MRC1: variants seen among roughly 807,000 people sequenced by gnomAD.
MRC1 encodes macrophage mannose receptor 1.
In MRC1, 62 loss-of-function variants were observed where a neutral mutation model predicts 102.9. The observed-to-expected ratio is 0.60, with a 90% CI of 0.49 to 0.74. The LOEUF (loss-of-function observed/expected upper bound fraction) is 0.74. Among genes scored for constraint, MRC1 ranks in the 30% least tolerant of loss-of-function variants. The pLI is 0.00. For missense variants in MRC1, 1,237 were observed against 862.8 expected, an observed-to-expected ratio of 1.43 and a Z score of -5.43; for synonymous variants, 457 against 298.4, an observed-to-expected ratio of 1.53 and a Z score of -5.48.
chr10:17,889,693 C>T (rs1034113040), intron 22 of MRC1, among the ~76,000 whole-genome samples: 4 of 152,180 alleles, frequency 2.6e-5, no homozygotes, highest in South Asian at 2.1e-4. Context: ...CCTCCTTTCC[C>T]GTGTAACATT....
intron 5 of MRC1, among the ~76,000 whole-genome samples, chr10:17,844,635 A>G (rs1184388673): frequency 1.3e-5 from 2 of 152,224 alleles, no homozygotes; most frequent in African/African-American, 2.4e-5. Flanking sequence ...GGTAAATTGC[A>G]TGTTGCTGAG....
At chr10:17,891,857 C>T (rs1303847294) in intron 22 of MRC1, among the ~76,000 whole-genome samples, 2 of 152,034 alleles carry the variant, frequency 1.3e-5, no homozygotes, top group Non-Finnish European at 2.9e-5. Flanking sequence ...TGTTATCATA[C>T]GGGAGCCCCA....
chr10:17,861,698 A>G (rs1484700932), intron 10 of MRC1, among the ~76,000 whole-genome samples, 196 bp downstream of exon 10: 1 of 152,210 alleles, frequency 6.6e-6, no homozygotes, highest in Non-Finnish European at 1.5e-5. Flanking sequence ...TGCTAAATTT[A>G]GTAGTATAAA....
chr10:17,880,159 C>G (rs1411269955), intron 19 of MRC1, among the ~76,000 whole-genome samples: 1 of 152,158 alleles, frequency 6.6e-6, no homozygotes, highest in African/African-American at 2.4e-5. Flanking sequence ...AATAATGACA[C>G]AATCTATCAA....
chr10:17,816,460 A>G (rs1204697189), intron 1 of MRC1, among the ~76,000 whole-genome samples: 1 of 151,980 alleles, frequency 6.6e-6, no homozygotes. Flanking sequence ...GTTGCCTTGG[A>G]CTCATCACAT....
intron 15 of MRC1, among the ~76,000 whole-genome samples, chr10:17,873,541 G>T (rs1833383985): frequency 6.6e-6 from 1 of 151,528 alleles, no homozygotes; most frequent in Non-Finnish European, 1.5e-5. Context: ...TGAAAACTGT[G>T]GTGGTTGTAA....
chr10:17,885,211 C>T, intron 21 of MRC1, 58 bp from the exon 22 acceptor site: 1 of 778,372 alleles, frequency 1.3e-6, no homozygotes, highest in East Asian at 2.4e-5. Context: ...TGAATATTTT[C>T]CATATTTTGA....
At chr10:17,904,372 A>G (rs1348747868) in intron 26 of MRC1, among the ~76,000 whole-genome samples, 7 of 151,990 alleles carry the variant, frequency 4.6e-5, no homozygotes, top group African/African-American at 1.7e-4. Context: ...ATTTTTTGTA[A>G]GATAGCTTTG....
At chr10:17,884,278 A>C (rs1354862411) in intron 21 of MRC1, among the ~76,000 whole-genome samples, 1 of 152,174 alleles carries the variant, frequency 6.6e-6, no homozygotes. Context: ...CCCTGATGTG[A>C]GCATTTTAGC....
chr10:17,856,230 T>G lies in MRC1; in HGVS notation c.1408-12T>G. 10 of 848,812 alleles carry G rather than the reference T, an allele frequency of 1.2e-5. No homozygotes were observed. In the South Asian group the frequency reaches 1.4e-4, roughly 12 times the overall value. 52.6% of individuals were successfully genotyped at this position (848,812 alleles called of 1,614,324 possible). On this transcript the variant is annotated splice_polypyrimidine_tract_variant and intron_variant, in intron 8 of 29. Coordinates refer to ENST00000569591, the MANE Select transcript of MRC1 (RefSeq NM_002438.4). ...AATCCTTTATTTTTTTCTCTCTCTC[T>G]GCTCCCTGCAGGATGGGTACTGGGC...
At chr10:17,882,085 T>C (rs1833528871) in intron 21 of MRC1, among the ~76,000 whole-genome samples, 1 of 152,082 alleles carries the variant, frequency 6.6e-6, no homozygotes. Flanking sequence ...GTACCCACCA[T>C]TTCTGCATGA....
chr10:17,825,678 G>A (rs1367105479), intron 2 of MRC1, among the ~76,000 whole-genome samples: 1 of 152,202 alleles, frequency 6.6e-6, no homozygotes, highest in African/African-American at 2.4e-5. Flanking sequence ...AGGCTGCAGT[G>A]AGCCATCATT....
At chr10:17,840,043 G>T (rs367701728) in intron 4 of MRC1, among the ~76,000 whole-genome samples, 4,122 of 139,452 alleles carry the variant, frequency 0.03, 203 homozygotes, top group East Asian at 0.18. Flanking sequence ...TCCAGCCTGG[G>T]CGACAGTGCA....
In MRC1 at chr10:17,910,461, T is replaced by C; in HGVS notation, c.4367T>C (p.Ile1456Thr). The C allele has an allele frequency of 1.3e-6, 1 of 780,860 alleles. No homozygotes were observed. The highest frequency in any genetic ancestry group is 2.4e-6 in the Non-Finnish European group (1 of 417,948). 48.4% of individuals were successfully genotyped at this position (780,860 alleles called of 1,614,324 possible). The change falls in exon 30 of 30, where the codon ATC becomes ACC. Residue 1456 changes from isoleucine (I) to threonine (T), a missense_variant. Physicochemically the swap from Ile to Thr is moderately conservative, Grantham distance 89. Transcript: ENST00000569591. ...GNIEQNEHSV[I>T] ...ATTGAACAGAATGAACACTCGGTCA[T>C]CTAGTACCTCAATGCGATTCTGAGA... is the stretch of plus-strand genomic sequence containing the variant.
At chr10:17,820,279 G>A (rs2130585295) in intron 1 of MRC1, among the ~76,000 whole-genome samples, 1 of 151,820 alleles carries the variant, frequency 6.6e-6, no homozygotes, top group East Asian at 1.9e-4. Flanking sequence ...TATTGCCTTA[G>A]GATGCAAAAA....
intron 7 of MRC1, among the ~76,000 whole-genome samples, chr10:17,852,215 T>C (rs1838927686): frequency 6.6e-6 from 1 of 152,178 alleles, no homozygotes; most frequent in African/African-American, 2.4e-5. Context: ...TCCATAGAAT[T>C]TCAAAACAAA....
intron 16 of MRC1, 113 bp from the exon 17 acceptor site, chr10:17,874,977 G>A: frequency 1.3e-6 from 1 of 755,310 alleles, no homozygotes; most frequent in Non-Finnish European, 2.5e-6. Flanking sequence ...TCTCAGAGTT[G>A]CAGATGCCTC....
intron 9 of MRC1, among the ~76,000 whole-genome samples, chr10:17,857,376 A>G (rs1447983808): frequency 6.6e-6 from 1 of 152,206 alleles, no homozygotes; most frequent in Admixed American, 6.5e-5. Context: ...TGTTTACACA[A>G]GCTTGTATAT....
intron 22 of MRC1, among the ~76,000 whole-genome samples, chr10:17,887,852 G>T (rs1267510284): frequency 1.3e-5 from 2 of 152,218 alleles, no homozygotes; most frequent in East Asian, 3.9e-4. Flanking sequence ...CGCCCGGCTG[G>T]TGTGCAATGG....
Sources: allele counts gnomAD v4.1 joint callset (sites outside exome capture counted in the v4.1 genomes callset), GRCh38; gene constraint gnomAD v4.1.1; transcripts MANE v1.5; gene names NCBI Gene and HGNC (gene_info 2026-07-23, HGNC 2026-07-21).